Variants in SVIL observed in about 807,000 individuals in gnomAD.
The protein encoded by SVIL is archvillin.
Under a neutral mutation model 240.4 loss-of-function variants are expected in SVIL, and 101 were observed. The observed-to-expected ratio is 0.42, with a 90% CI of 0.36 to 0.50. SVIL has a LOEUF of 0.50. Among genes scored for constraint, SVIL ranks in the 20% least tolerant of loss-of-function variants. SVIL has a pLI of 0.01. For synonymous variants in SVIL, 999 were observed against 1,100.0 expected (o/e 0.91, Z 1.82); for missense variants, 2,512 against 2,818.7 (o/e 0.89, Z 2.46).
At chr10:29,730,262 C>T (rs1414857330) in intron 1 of SVIL, among the ~76,000 whole-genome samples, 6 of 152,128 alleles carry the variant, frequency 3.9e-5, no homozygotes, top group African/African-American at 1.4e-4. Flanking sequence ...GAGATTTATC[C>T]CAGTGAAAGT....
At chr10:29,479,995 A>C (rs1294643321) in intron 29 of SVIL, among the ~76,000 whole-genome samples, 2 of 152,170 alleles carry the variant, frequency 1.3e-5, no homozygotes, top group Admixed American at 6.5e-5. Flanking sequence ...TCAGGAACCG[A>C]GGAGAGTTTA....
At chr10:29,580,769 C>A (rs1955910206) in intron 1 of SVIL, among the ~76,000 whole-genome samples, 2 of 152,232 alleles carry the variant, frequency 1.3e-5, no homozygotes, top group South Asian at 4.1e-4. Flanking sequence ...TGGGCTTAAG[C>A]CATCCTTCTA....
At chr10:29,485,490 C>T (rs1029358519) in intron 26 of SVIL, among the ~76,000 whole-genome samples, 1 of 152,114 alleles carries the variant, frequency 6.6e-6, no homozygotes, top group Non-Finnish European at 1.5e-5. Context: ...AAAATTATTC[C>T]TGAAGGTTTC....
intron 1 of SVIL, among the ~76,000 whole-genome samples, chr10:29,728,608 G>A (rs187863264): frequency 6.6e-6 from 1 of 152,094 alleles, no homozygotes; most frequent in Non-Finnish European, 1.5e-5. Flanking sequence ...CTGTCAAAAA[G>A]GGGGAGGAAG....
At chr10:29,553,117 C>CTT (rs1564628889) in intron 5 of SVIL, among the ~76,000 whole-genome samples, 1 of 104,124 alleles carries the variant, frequency 9.6e-6, no homozygotes, top group South Asian at 3.2e-4. Flanking sequence ...CCAAGCCCAG[C>CTT]CTTTTTTTTT....
Position 29,473,955 on chromosome 10 carries a change from C to G in SVIL, c.5412G>C (p.Arg1804Ser). Residue 1804 changes from arginine (R) to serine (S), a missense_variant, in exon 30 of 38, where the codon AGG becomes AGC. Physicochemically the swap from Arg to Ser is moderately radical, Grantham distance 110. Around this residue, in one of 3 missense-constraint regions of SVIL, gnomAD observed 797 missense variants for 925.3 expected, o/e 0.86. Transcript: ENST00000355867. ...GSRQKGEHSV[R>S]AAGKEKCVYF... is the part of the protein sequence containing the mutation. ...AGACGCACTTCTCTTTGCCGGCTGC[C>G]CTCACCGAGTGCTCTCCCTTCTGGC... is the stretch of plus-strand genomic sequence containing the variant. The G allele has an allele frequency of 6.2e-7, 1 of 1,613,976 alleles. No individual in the cohort carries two copies. Among genetic ancestry groups the G allele is most frequent in the Admixed American group, 1.7e-5 (1 of 60,026 alleles).
At chr10:29,529,074 G>A (rs1454553588) in intron 12 of SVIL, among the ~76,000 whole-genome samples, 2 of 150,690 alleles carry the variant, frequency 1.3e-5, no homozygotes, top group African/African-American at 4.9e-5. Context: ...TACTCGGGAG[G>A]TGGAGGCAGG....
intron 1 of SVIL, among the ~76,000 whole-genome samples, chr10:29,576,416 C>T (rs60843332): frequency 6.6e-6 from 1 of 152,030 alleles, no homozygotes; most frequent in South Asian, 2.1e-4. Flanking sequence ...CTATTAACTT[C>T]TAATTTATAT....
intron 34 of SVIL, among the ~76,000 whole-genome samples, chr10:29,464,545 AAAATG>A (rs1944661093): frequency 6.6e-6 from 1 of 152,204 alleles, no homozygotes; most frequent in African/African-American, 2.4e-5. Flanking sequence ...TCCAGGTGGC[AAAATG>A]CCTCTCACTC....
At chr10:29,463,766 C>T in intron 34 of SVIL, 131 bp from the exon 35 acceptor site, 1 of 1,321,778 alleles carries the variant, frequency 7.6e-7, no homozygotes, top group Non-Finnish European at 1.0e-6. Context: ...CCTTGGCCAT[C>T]AAACCAGGGG....
intron 22 of SVIL, among the ~76,000 whole-genome samples, chr10:29,490,371 G>A (rs922775473): frequency 6.6e-6 from 1 of 152,102 alleles, no homozygotes; most frequent in Admixed American, 6.6e-5. Context: ...GTGTGTTCAG[G>A]ATCTACAGAG....
chr10:29,507,472 T>G (rs1160870825), intron 17 of SVIL, among the ~76,000 whole-genome samples: 4 of 151,714 alleles, frequency 2.6e-5, no homozygotes, highest in African/African-American at 9.7e-5. Context: ...AAGAACCAAT[T>G]AAACACACAC....
At chr10:29,652,522 G>A (rs1488191859) in intron 3 of SVIL, among the ~76,000 whole-genome samples, 2 of 152,028 alleles carry the variant, frequency 1.3e-5, no homozygotes, top group Non-Finnish European at 2.9e-5. Context: ...TATTATTTTT[G>A]TACAGCTGGG....
chr10:29,678,910 A>T (rs1233856640), intron 2 of SVIL, among the ~76,000 whole-genome samples: 1 of 152,176 alleles, frequency 6.6e-6, no homozygotes, highest in Non-Finnish European at 1.5e-5. Context: ...GTATAAAATT[A>T]AAAACACCTG....
At position 29,529,692 on chromosome 10, in the gene SVIL, T is replaced by A. The variant is rs759727706; in HGVS notation, c.2246+13A>T. The A allele has an allele frequency of 3.1e-6, 5 of 1,593,090 alleles. No homozygotes were observed. The South Asian group carries it at 5.7e-5, about 18-fold the overall frequency. The stretch of plus-strand genomic sequence containing the variant: ...CACTATAGACAAGGCTGAGAAGTCC[T>A]GTGGGCACTTACGTGGCTGCGATGA... On this transcript the variant is annotated intron_variant, in intron 12 of 37. Transcript: ENST00000355867.
At chr10:29,725,108 T>G (rs1412210771) in intron 1 of SVIL, among the ~76,000 whole-genome samples, 1 of 151,144 alleles carries the variant, frequency 6.6e-6, no homozygotes, top group Non-Finnish European at 1.5e-5. Context: ...TTCCTCATTA[T>G]GGCACACAGT....
intron 17 of SVIL, among the ~76,000 whole-genome samples, chr10:29,510,279 G>C (rs1183104284): frequency 6.6e-6 from 1 of 152,176 alleles, no homozygotes; most frequent in African/African-American, 2.4e-5. Context: ...CCAATCCATT[G>C]ACAGAAACAA....
At chr10:29,696,073 T>C (rs1324267737) in intron 1 of SVIL, among the ~76,000 whole-genome samples, 43 of 151,846 alleles carry the variant, frequency 2.8e-4, no homozygotes, top group African/African-American at 9.4e-4. Context: ...TGCCTCAGCC[T>C]GCCGAGTGCC....
At chr10:29,639,232 C>T (rs1018910972), upstream of SVIL, among the ~76,000 whole-genome samples, 2 of 152,034 alleles carry the variant, frequency 1.3e-5, no homozygotes, top group East Asian at 1.9e-4. Context: ...AGTGCAGTGG[C>T]GCGATCTTGG....
Sources: gnomAD v4.1 joint callset for allele counts (sites outside exome capture counted in the v4.1 genomes callset) on GRCh38, gnomAD v4.1.1 for gene constraint, gnomAD v4.1.1 regional missense constraint, MANE v1.5 for transcripts, NCBI Gene and HGNC (gene_info 2026-07-23, HGNC 2026-07-21) for gene names.